PCDHA1: variants seen among roughly 807,000 people sequenced by gnomAD.
The protein encoded by PCDHA1 is protocadherin alpha 1, also known as protocadherin alpha-1.
Under a neutral mutation model 61.3 loss-of-function variants are expected in PCDHA1, and 42 were observed. The observed-to-expected ratio is 0.69, with a 90% CI of 0.54 to 0.89. PCDHA1 has a LOEUF of 0.89. Ranked by LOEUF, PCDHA1 falls within the 40% of genes least tolerant of loss-of-function variation. The pLI is 0.00. For missense variants in PCDHA1, 1,256 were observed against 1,235.3 expected (o/e 1.02, Z -0.25); for synonymous variants, 610 against 553.8 (o/e 1.10, Z -1.43).
chr5:141,006,365 C>A, intron 3 of PCDHA1, among the ~76,000 whole-genome samples: 1 of 151,966 alleles, frequency 6.6e-6, no homozygotes, highest in East Asian at 1.9e-4. Flanking sequence ...GCGCCCACCA[C>A]CACGCCCGGC....
In PCDHA1 at chr5:140,977,999, G is replaced by A. The variant is rs1185111218; in HGVS notation, c.2395-950G>A. Among the ~76,000 whole-genome samples the A allele has an allele frequency of 1.3e-5, 2 of 152,132 alleles. 1 individual carries two copies. The highest frequency in any genetic ancestry group is 4.8e-5 in the African/African-American group (2 of 41,406). ...AAACGCATCTAGAGGAGTGTCACAA[G>A]TTTTTCACAGTGACATTTTTGCTTA... On this transcript the variant is annotated intron_variant, in intron 1 of 3. Coordinates refer to ENST00000504120, the MANE Select transcript of PCDHA1 (RefSeq NM_018900.4).
At chr5:140,929,503 G>A in intron 1 of PCDHA1, 1 of 886,378 alleles carries the variant, frequency 1.1e-6, no homozygotes, top group Non-Finnish European at 1.6e-6. Context: ...ATTGCCCTAG[G>A]CCTCAAGGGA....
chr5:140,967,088 GAGGCGCTGTGTGAGC>G, intron 1 of PCDHA1: 1 of 1,613,226 alleles, frequency 6.2e-7, no homozygotes, highest in Non-Finnish European at 8.5e-7. Context: ...CATTGATCGG[GAGGCGCTGTGTGAGC>G]AGCGGCCTCG....
At chr5:140,991,409 T>C (rs1554252146) in intron 3 of PCDHA1, among the ~76,000 whole-genome samples, 2 of 152,232 alleles carry the variant, frequency 1.3e-5, no homozygotes, top group Non-Finnish European at 1.5e-5. Flanking sequence ...TTTCCCATTA[T>C]GCTATAACAA....
rs183321523 is a variant in PCDHA1 at position 140,948,382 on chromosome 5, A to G, written c.2395-30567A>G. Among the ~76,000 whole-genome samples the G allele has an allele frequency of 1.2e-3, 182 of 151,516 alleles. 1 individual carries two copies. Among genetic ancestry groups the G allele is most frequent in the African/African-American group, 3.9e-3 (163 of 41,496 alleles). ...TGACTTAGGAGGTGTTCCTTCCTCT[A>G]TTTTCTGAAAGGTTGTGTAATATTG... On this transcript the variant is annotated intron_variant, in intron 1 of 3. Coordinates refer to ENST00000504120, the MANE Select transcript of PCDHA1 (RefSeq NM_018900.4).
intron 1 of PCDHA1, among the ~76,000 whole-genome samples, chr5:140,921,856 G>A (rs2080440097): frequency 6.6e-6 from 1 of 151,824 alleles, no homozygotes; most frequent in Non-Finnish European, 1.5e-5. Flanking sequence ...AGATGTGTGT[G>A]TATATATACA....
At chr5:140,801,171 C>T in intron 1 of PCDHA1, 7 of 1,563,956 alleles carry the variant, frequency 4.5e-6, no homozygotes, top group Non-Finnish European at 6.0e-6. Context: ...AATGTAAAGG[C>T]AATCTAATAT....
intron 1 of PCDHA1, chr5:140,822,175 A>C (rs2150114299): frequency 6.2e-7 from 1 of 1,614,258 alleles, no homozygotes; most frequent in South Asian, 1.1e-5. Context: ...CAGGTTCTCC[A>C]GACAAGAACA....
chr5:140,788,997 G>C (rs782474612), intron 1 of PCDHA1: 6 of 397,034 alleles, frequency 1.5e-5, no homozygotes, highest in African/African-American at 4.1e-5. Flanking sequence ...AAATAACAGT[G>C]ACATATTCGG....
chr5:140,796,929 C>T, intron 1 of PCDHA1: 3 of 1,613,834 alleles, frequency 1.9e-6, no homozygotes, highest in Non-Finnish European at 2.5e-6. Flanking sequence ...AGGACCACGG[C>T]GAACCAGCGT....
At chr5:140,962,622 G>A (rs1389569825) in intron 1 of PCDHA1, among the ~76,000 whole-genome samples, 2 of 152,130 alleles carry the variant, frequency 1.3e-5, no homozygotes, top group African/African-American at 2.4e-5. Context: ...AGGGAGATGT[G>A]AAAAAATTTA....
chr5:141,009,544 C>A (rs1236431515), intron 3 of PCDHA1, 83 bp from the exon 4 acceptor site: 1 of 1,534,390 alleles, frequency 6.5e-7, no homozygotes. Context: ...CCTGCCTATG[C>A]AGTACTCCTG....
In PCDHA1 at chr5:140,821,405, G is replaced by C. The variant is rs1217305998; in HGVS notation, c.2394+32721G>C. The C allele has an allele frequency of 2.3e-5, 4 of 172,660 alleles. 1 individual carries two copies. The highest frequency in any genetic ancestry group is 5.0e-5 in the Non-Finnish European group (4 of 80,692). 10.7% of individuals were successfully genotyped at this position (172,660 alleles called of 1,614,324 possible). A position where few individuals can be genotyped will look rare whatever the true frequency, so the allele number is the denominator to read the frequency against. On this transcript the variant is annotated intron_variant, in intron 1 of 3. Transcript: ENST00000504120. ...ACGCACTTATATTGACGCATTTTAA[G>C]ATAGAGTTTAATGATATATTTTGAC...
intron 1 of PCDHA1, among the ~76,000 whole-genome samples, chr5:140,948,364 G>C (rs1554218529): frequency 6.6e-6 from 1 of 151,472 alleles, no homozygotes; most frequent in African/African-American, 2.4e-5. Flanking sequence ...AAATGACTTA[G>C]GAGGTGTTCC....
intron 1 of PCDHA1, chr5:140,825,965 G>A (rs1173825503): frequency 6.6e-6 from 1 of 152,292 alleles, no homozygotes; most frequent in African/African-American, 2.4e-5. Context: ...CTACTCTTTT[G>A]AGGGGAAAAG....
At chr5:140,909,470 C>T (rs566835545) in intron 1 of PCDHA1, among the ~76,000 whole-genome samples, 1 of 152,320 alleles carries the variant, frequency 6.6e-6, no homozygotes, top group African/African-American at 2.4e-5. Flanking sequence ...GTCTTCTTCA[C>T]AGGCTAAATA....
At chr5:140,966,448 C>T (rs1198594007) in intron 1 of PCDHA1, 2 of 425,466 alleles carry the variant, frequency 4.7e-6, no homozygotes, top group Non-Finnish European at 8.2e-6. Context: ...TCCCTTTCCC[C>T]CTCCCCCTCT....
At chr5:140,816,262 C>T (rs1765873375) in intron 1 of PCDHA1, 1 of 152,144 alleles carries the variant, frequency 6.6e-6, no homozygotes, top group Non-Finnish European at 1.5e-5. Context: ...TTCACTGACT[C>T]ATTCTTCTAC....
At chr5:140,926,554 G>A (rs2083344574) in intron 1 of PCDHA1, 1 of 237,224 alleles carries the variant, frequency 4.2e-6, no homozygotes, top group Non-Finnish European at 8.0e-6. Context: ...CGAGACCCCA[G>A]CCCGCTGCTA....
Sources: gnomAD v4.1 joint callset for allele counts (sites outside exome capture counted in the v4.1 genomes callset) on GRCh38, gnomAD v4.1.1 for gene constraint, MANE v1.5 for transcripts, NCBI Gene and HGNC (gene_info 2026-07-23, HGNC 2026-07-21) for gene names.